Variants in CYTH3 observed in about 807,000 individuals in gnomAD.
The protein encoded by CYTH3 is cytohesin-3.
CYTH3 carries 23 observed loss-of-function variants against 55.1 expected under a neutral mutation model. That is an observed-to-expected ratio of 0.42 (90% CI 0.30 to 0.59). CYTH3 has a LOEUF of 0.59. CYTH3 is among the 20% of genes least tolerant of loss of function. The pLI, the probability that CYTH3 is intolerant of heterozygous loss-of-function variation, is 0.20. For missense variants in CYTH3, 413 were observed against 524.8 expected (o/e 0.79, Z 2.08); for synonymous variants, 249 against 194.9 (o/e 1.28, Z -2.31).
At chr7:6,221,894 G>A in intron 1 of CYTH3, among the ~76,000 whole-genome samples, 1 of 152,322 alleles carries the variant, frequency 6.6e-6, no homozygotes, top group African/African-American at 2.4e-5. Context: ...CGAGGCTGCA[G>A]TGAGCTATGA....
chr7:6,165,306 G>T lies in CYTH3; in HGVS notation c.1094C>A (p.Pro365Gln), dbSNP rs539932644. ...HVVYRISAPSPEEKEEWMKSI... is the reference protein window; with the variant it reads ...HVVYRISAPSQEEKEEWMKSI... ...TTTCATCCACTCCTCCTTCTCCTCCGGGCTCGGGGCTGAGATCCGGTACAC... is the reference window on the plus strand; with the variant it reads ...TTTCATCCACTCCTCCTTCTCCTCCTGGCTCGGGGCTGAGATCCGGTACAC... Residue 365 changes from proline to glutamine, a missense_variant, in exon 12 of 13, where the codon CCG (proline) becomes CAG (glutamine). Around this residue, in one of 4 missense-constraint regions of CYTH3, gnomAD observed 98 missense variants for 115.2 expected, o/e 0.85. Transcript: ENST00000350796. 1.5e-5 allele frequency: 24 copies of T among 1,613,714 alleles called. No homozygotes were observed. Among genetic ancestry groups the T allele is most frequent in the South Asian group, 5.5e-5 (5 of 91,068 alleles).
At chr7:6,217,889 A>G (rs1275655149) in intron 1 of CYTH3, among the ~76,000 whole-genome samples, 3 of 152,162 alleles carry the variant, frequency 2.0e-5, no homozygotes, top group Non-Finnish European at 4.4e-5. Context: ...ATTAAAAAAA[A>G]AATAGATGGA....
In CYTH3 at chr7:6,230,382, G is replaced by A. The variant is rs557851167; in HGVS notation, c.35-39851C>T. 4.6e-5 allele frequency among the ~76,000 whole-genome samples: 7 copies of A among 152,224 alleles called. No individual in the cohort carries two copies. The South Asian group carries it at 6.2e-4, about 14-fold the overall frequency. ...TTAAGATACCTATTCCCGTTCTACCGCAGGGAAAAGGGAACTTAAGCTGTA... is the reference window on the plus strand; with the variant it reads ...TTAAGATACCTATTCCCGTTCTACCACAGGGAAAAGGGAACTTAAGCTGTA... On this transcript the variant is annotated intron_variant, in intron 1 of 12. Coordinates refer to ENST00000350796, the MANE Select transcript of CYTH3 (RefSeq NM_004227.4).
At chr7:6,258,152 T>C (rs1171924995) in intron 1 of CYTH3, among the ~76,000 whole-genome samples, 1 of 151,986 alleles carries the variant, frequency 6.6e-6, no homozygotes, top group Non-Finnish European at 1.5e-5. Flanking sequence ...TTTCTTTTTT[T>C]TCCAAAAAAT....
At chr7:6,197,618 G>T (rs1205863141) in intron 1 of CYTH3, among the ~76,000 whole-genome samples, 1 of 152,168 alleles carries the variant, frequency 6.6e-6, no homozygotes, top group Non-Finnish European at 1.5e-5. Context: ...AAGAGGGGGA[G>T]ATTGCAGTGA....
At chr7:6,209,598 C>G (rs1784280021) in intron 1 of CYTH3, among the ~76,000 whole-genome samples, 1 of 152,196 alleles carries the variant, frequency 6.6e-6, no homozygotes, top group African/African-American at 2.4e-5. Flanking sequence ...TACGATCCAG[C>G]AACTGCCCTC....
intron 5 of CYTH3, among the ~76,000 whole-genome samples, chr7:6,174,431 T>C: frequency 6.6e-6 from 1 of 151,968 alleles, no homozygotes; most frequent in East Asian, 1.9e-4. Flanking sequence ...TTTTATATCT[T>C]ATCAGCAATG....
At chr7:6,244,858 G>A (rs1157027633) in intron 1 of CYTH3, among the ~76,000 whole-genome samples, 6 of 149,976 alleles carry the variant, frequency 4.0e-5, no homozygotes, top group Admixed American at 6.7e-5. Context: ...GTGCAATCTC[G>A]GCTCACTGCA....
At chr7:6,247,086 A>G (rs1779838876) in intron 1 of CYTH3, among the ~76,000 whole-genome samples, 1 of 152,230 alleles carries the variant, frequency 6.6e-6, no homozygotes, top group Admixed American at 6.5e-5. Context: ...TCCTAAGTCC[A>G]AAGGCAGGGT....
Position 6,171,123 on chromosome 7 carries a change from G to A in CYTH3, c.562+79C>T, listed in dbSNP as rs1254216901. 10 of 1,589,018 alleles carry A rather than the reference G, an allele frequency of 6.3e-6. No homozygotes were observed. Among genetic ancestry groups the A allele is most frequent in the African/African-American group, 1.3e-5 (1 of 74,294 alleles). The stretch of plus-strand genomic sequence containing the variant: ...GCAGGTCCCCAGGAACACACGCTGG[G>A]CTGTGCCCACAGGGGCCGCCCCCTC... On this transcript the variant is annotated intron_variant, in intron 7 of 12. Coordinates refer to ENST00000350796, the MANE Select transcript of CYTH3 (RefSeq NM_004227.4). The surrounding 1 kb of genome is among the most constrained non-coding windows in gnomAD (Gnocchi z 6.7).
intron 5 of CYTH3, 114 bp downstream of exon 5, chr7:6,177,709 C>G: frequency 1.3e-6 from 1 of 786,918 alleles, no homozygotes; most frequent in Non-Finnish European, 2.1e-6. Context: ...GCCCACAGCC[C>G]GTGGCTCTAT....
At chr7:6,205,875 TAAA>T (rs370194149) in intron 1 of CYTH3, among the ~76,000 whole-genome samples, 22 of 28,082 alleles carry the variant, frequency 7.8e-4, no homozygotes, top group African/African-American at 2.2e-3. Flanking sequence ...TCCTATCTCT[TAAA>T]AAAAAAAAAA....
chr7:6,228,379 G>A (rs1056628653), intron 1 of CYTH3, among the ~76,000 whole-genome samples: 9 of 152,152 alleles, frequency 5.9e-5, no homozygotes, highest in African/African-American at 1.9e-4. Flanking sequence ...CTCTGGCCAG[G>A]GCCCTGTTCA....
chr7:6,257,855 G>C (rs948823851), intron 1 of CYTH3, among the ~76,000 whole-genome samples: 1 of 152,158 alleles, frequency 6.6e-6, no homozygotes, highest in Non-Finnish European at 1.5e-5. Context: ...TGTGGAGGTA[G>C]GGAGGTTCCT....
chr7:6,237,868 C>T (rs1338864304), intron 1 of CYTH3, among the ~76,000 whole-genome samples: 1 of 152,086 alleles, frequency 6.6e-6, no homozygotes, highest in Non-Finnish European at 1.5e-5. Context: ...AAAAGTCAGC[C>T]AACTTCCAAG....
intron 1 of CYTH3, among the ~76,000 whole-genome samples, chr7:6,196,113 A>C (rs1290561518): frequency 6.6e-6 from 1 of 152,200 alleles, no homozygotes; most frequent in African/African-American, 2.4e-5. Context: ...GTCTCTCTCA[A>C]GAGTGAGAAG....
rs1377867125 is a variant in CYTH3, at chr7:6,167,980, AG to A, written c.824-2171del. On this transcript the variant is annotated intron_variant, in intron 9 of 12. Transcript: ENST00000350796. The surrounding 1 kb of genome is among the most constrained non-coding windows in gnomAD (Gnocchi z 5.5). Reference sequence around the variant, plus strand: ...CAGACCAGGACTGCAGGCCCAGGGAAGGGGTGATAAGCTTGGTCTCAGAGCC... The same window carrying A: ...CAGACCAGGACTGCAGGCCCAGGGAAGGGTGATAAGCTTGGTCTCAGAGCC... Among the ~76,000 whole-genome samples the A allele has an allele frequency of 3.9e-5, 6 of 152,136 alleles. No homozygotes were observed. Among genetic ancestry groups the A allele is most frequent in the Non-Finnish European group, 8.8e-5 (6 of 68,002 alleles).
intron 1 of CYTH3, among the ~76,000 whole-genome samples, chr7:6,249,962 T>G (rs1303176517): frequency 6.6e-6 from 1 of 152,166 alleles, no homozygotes; most frequent in South Asian, 2.1e-4. Context: ...TCTCCAGAAT[T>G]TATTCATCTT....
At chr7:6,219,003 CAAAAAAAAAAA>C (rs35386425) in intron 1 of CYTH3, among the ~76,000 whole-genome samples, 1,924 of 74,410 alleles carry the variant, frequency 0.026, 26 homozygotes, top group Middle Eastern at 0.11. Flanking sequence ...GACTCCGTCT[CAAAAAAAAAAA>C]AAAAAAAAAA....
Sources: allele counts gnomAD v4.1 joint callset (sites outside exome capture counted in the v4.1 genomes callset), GRCh38; gene constraint gnomAD v4.1.1; regional missense constraint gnomAD v4.1.1; non-coding constraint Gnocchi (gnomAD v3.1); transcripts MANE v1.5; gene names NCBI Gene and HGNC (gene_info 2026-07-23, HGNC 2026-07-21).